MEGF11: variants seen among roughly 807,000 people sequenced by gnomAD.
The protein encoded by MEGF11 is multiple epidermal growth factor-like domains protein 11.
MEGF11 carries 126 observed loss-of-function variants against 146.6 expected under a neutral mutation model. The observed-to-expected ratio is 0.86, with a 90% CI of 0.74 to 1.00. MEGF11 has a LOEUF of 1.00. Ranked by LOEUF, MEGF11 falls within the 50% of genes least tolerant of loss-of-function variation. The pLI is 0.00. For synonymous variants in MEGF11, 532 were observed against 583.4 expected (o/e 0.91, Z 1.27); for missense variants, 1,509 against 1,521.2 (o/e 0.99, Z 0.13).
intron 1 of MEGF11, among the ~76,000 whole-genome samples, chr15:66,165,030 A>C (rs1236601264): frequency 6.6e-6 from 1 of 152,202 alleles, no homozygotes; most frequent in Non-Finnish European, 1.5e-5. Flanking sequence ...TCCCTGTCTG[A>C]GCACAGCCGG....
At chr15:65,916,533 C>T in intron 17 of MEGF11, 1 of 651,068 alleles carries the variant, frequency 1.5e-6, no homozygotes. Context: ...TGGACACAGG[C>T]TGCTCCTCCC....
At position 66,173,304 on chromosome 15, in the gene MEGF11, G is replaced by C. The variant is rs534919703; in HGVS notation, c.-8-44893C>G. Reference sequence around the variant, plus strand: ...TTACATAAGTCCTTCATGACAGAAGGCAATTTTTTTTTAATTTTTATTTAT... The same window carrying C: ...TTACATAAGTCCTTCATGACAGAAGCCAATTTTTTTTTAATTTTTATTTAT... On this transcript the variant is annotated intron_variant, in intron 1 of 25. Coordinates refer to ENST00000395614, the MANE Select transcript of MEGF11 (RefSeq NM_001385028.1). 4.6e-5 allele frequency among the ~76,000 whole-genome samples: 7 copies of C among 152,202 alleles called. No homozygotes were observed. The East Asian group carries it at 1.4e-3, about 29-fold the overall frequency.
chr15:65,948,165 C>T (rs1014694950), intron 10 of MEGF11, among the ~76,000 whole-genome samples: 2 of 151,774 alleles, frequency 1.3e-5, no homozygotes, highest in South Asian at 2.1e-4. Flanking sequence ...AACATCAGTA[C>T]GTGTCTGCTG....
At chr15:66,185,020 C>G (rs1008915129) in intron 1 of MEGF11, among the ~76,000 whole-genome samples, 3 of 152,172 alleles carry the variant, frequency 2.0e-5, no homozygotes, top group African/African-American at 4.8e-5. Context: ...TTGTCTCTCA[C>G]ACTGCATAGT....
At chr15:66,128,790 T>C (rs1200316400) in intron 1 of MEGF11, among the ~76,000 whole-genome samples, 3 of 152,094 alleles carry the variant, frequency 2.0e-5, no homozygotes, top group Non-Finnish European at 4.4e-5. Context: ...GGGAATGCCC[T>C]CCCCATTCCC....
At chr15:66,249,348 T>C (rs2092339545) in intron 1 of MEGF11, among the ~76,000 whole-genome samples, 1 of 152,162 alleles carries the variant, frequency 6.6e-6, no homozygotes, top group African/African-American at 2.4e-5. Flanking sequence ...GCATGTTTTT[T>C]TGGACAATGA....
intron 10 of MEGF11, among the ~76,000 whole-genome samples, chr15:65,954,921 A>T (rs1159263740): frequency 5.3e-5 from 8 of 152,112 alleles, no homozygotes; most frequent in East Asian, 1.9e-4. Context: ...ATATGACCAG[A>T]CCGTAAAACC....
intron 7 of MEGF11, among the ~76,000 whole-genome samples, chr15:65,975,503 G>C (rs887722726): frequency 5.3e-5 from 8 of 152,170 alleles, no homozygotes; most frequent in Non-Finnish European, 1.0e-4. Flanking sequence ...CGAATCTCTA[G>C]TCCTCTTCCC....
At chr15:65,953,480 C>T (rs893170791) in intron 10 of MEGF11, among the ~76,000 whole-genome samples, 1 of 152,196 alleles carries the variant, frequency 6.6e-6, no homozygotes, top group African/African-American at 2.4e-5. Context: ...TCCAGCTCCT[C>T]ATCTGCAAAT....
intron 5 of MEGF11, among the ~76,000 whole-genome samples, chr15:66,088,927 C>A (rs2086217546): frequency 6.6e-6 from 1 of 152,162 alleles, no homozygotes; most frequent in Non-Finnish European, 1.5e-5. Flanking sequence ...GTGATGTTTG[C>A]ACAACAATGT....
chr15:66,122,398 T>C (rs938087099), intron 3 of MEGF11, among the ~76,000 whole-genome samples: 8 of 152,212 alleles, frequency 5.3e-5, no homozygotes, highest in Admixed American at 4.6e-4. Flanking sequence ...CACAGCCAGT[T>C]AGTAGCAAAA....
chr15:66,196,743 T>C (rs2091019310), intron 1 of MEGF11, among the ~76,000 whole-genome samples: 1 of 152,160 alleles, frequency 6.6e-6, no homozygotes, highest in African/African-American at 2.4e-5. Flanking sequence ...ACTGTAGGTG[T>C]ATCATGGCTC....
chr15:65,937,202 G>A (rs1164344262), intron 10 of MEGF11, among the ~76,000 whole-genome samples: 1 of 152,186 alleles, frequency 6.6e-6, no homozygotes, highest in Non-Finnish European at 1.5e-5. Flanking sequence ...CTCCTGCCTA[G>A]AGCCTGACCC....
intron 17 of MEGF11, chr15:65,916,604 G>A: frequency 1.2e-6 from 1 of 823,316 alleles, no homozygotes; most frequent in East Asian, 2.7e-5. Context: ...GTACCTTGCA[G>A]CCCTGACCTT....
intron 1 of MEGF11, among the ~76,000 whole-genome samples, chr15:66,201,090 C>T (rs1358670571): frequency 6.6e-6 from 1 of 152,120 alleles, no homozygotes; most frequent in Non-Finnish European, 1.5e-5. Flanking sequence ...AGGAAAGGGT[C>T]TCCAAAGGAC....
chr15:66,085,891 TGAAG>T (rs1236370203), intron 5 of MEGF11, among the ~76,000 whole-genome samples: 2 of 151,958 alleles, frequency 1.3e-5, no homozygotes, highest in African/African-American at 4.8e-5. Flanking sequence ...CAGAGAAAGG[TGAAG>T]CCCAATGCAA....
rs150275367 is a variant in MEGF11, at chr15:65,975,174, C to G, written c.763-4485G>C. Reference sequence around the variant, plus strand: ...AAGAGATGGGGTCTCACTCTGTCATCCAGGCTGAAGTGCAGTGGTGCCATC... The same window carrying G: ...AAGAGATGGGGTCTCACTCTGTCATGCAGGCTGAAGTGCAGTGGTGCCATC... On this transcript the variant is annotated intron_variant, in intron 7 of 25. Coordinates refer to ENST00000395614, the MANE Select transcript of MEGF11 (RefSeq NM_001385028.1). 3.3e-5 allele frequency among the ~76,000 whole-genome samples: 5 copies of G among 152,288 alleles called. No homozygotes were observed. The East Asian group carries it at 7.7e-4, about 24-fold the overall frequency.
At chr15:65,955,761 AATATATAT>A (rs1229131259) in intron 10 of MEGF11, among the ~76,000 whole-genome samples, 3 of 14,712 alleles carry the variant, frequency 2.0e-4, no homozygotes, top group African/African-American at 8.4e-4. Context: ...AAAAAAAAAA[AATATATAT>A]ATATATATAT....
At chr15:66,088,250 A>G (rs2086190320) in intron 5 of MEGF11, among the ~76,000 whole-genome samples, 2 of 152,220 alleles carry the variant, frequency 1.3e-5, no homozygotes, top group South Asian at 2.1e-4. Context: ...TAGACACTCA[A>G]AGAAGAATTG....
Sources: allele counts gnomAD v4.1 joint callset (sites outside exome capture counted in the v4.1 genomes callset), GRCh38; gene constraint gnomAD v4.1.1; transcripts MANE v1.5; gene names NCBI Gene and HGNC (gene_info 2026-07-23, HGNC 2026-07-21).